The following KLHL1 variants were observed in gnomAD, a reference collection of about 807,000 sequenced individuals.
KLHL1 encodes kelch like family member 1, also known as kelch-like protein 1.
KLHL1 carries 47 observed loss-of-function variants against 77.7 expected under a neutral mutation model. That is an observed-to-expected ratio of 0.60 (90% CI 0.48 to 0.77). The LOEUF (loss-of-function observed/expected upper bound fraction) is 0.77, where lower values mean the gene tolerates loss of function less well. Ranked by LOEUF, KLHL1 falls within the 30% of genes least tolerant of loss-of-function variation. The pLI is 0.00. For synonymous variants in KLHL1, 360 were observed against 325.2 expected, an observed-to-expected ratio of 1.11 and a Z score of -1.15; for missense variants, 925 against 910.8, an observed-to-expected ratio of 1.02 and a Z score of -0.20.
chr13:70,097,318 A>G (rs930006694), intron 1 of KLHL1, among the ~76,000 whole-genome samples: 4 of 152,048 alleles, frequency 2.6e-5, no homozygotes. Flanking sequence ...TCCTCAAAGC[A>G]GAGGAAAACT....
chr13:70,107,660 T>G lies in KLHL1; in HGVS notation c.40A>C (p.Ile14Leu), dbSNP rs762708051. Residue 14 changes from isoleucine to leucine, a missense_variant, in exon 1 of 11, where the codon ATT becomes CTT. Ile to Leu is a conservative substitution (Grantham distance 5). Coordinates refer to ENST00000377844, the MANE Select transcript of KLHL1 (RefSeq NM_020866.3). ...SGRKDFDVKH[I>L]LRLRWKLFSH... ...AAGAGTTTCCAGCGGAGTCGCAGAA[T>G]GTGCTTCACATCGAAGTCTTTTCGC... is the stretch of plus-strand genomic sequence containing the variant. 12 of 1,541,748 alleles carry G rather than the reference T, an allele frequency of 7.8e-6. No homozygotes were observed. Among genetic ancestry groups the G allele is most frequent in the Middle Eastern group, 1.8e-4 (1 of 5,616 alleles).
chr13:70,020,852 T>C (rs1885772548), intron 1 of KLHL1, among the ~76,000 whole-genome samples: 1 of 152,104 alleles, frequency 6.6e-6, no homozygotes, highest in African/African-American at 2.4e-5. Context: ...TATTTTCTAT[T>C]TTTTACTTTA....
chr13:69,761,813 A>G (rs2137966298), intron 7 of KLHL1, among the ~76,000 whole-genome samples: 1 of 152,278 alleles, frequency 6.6e-6, no homozygotes, highest in South Asian at 2.1e-4. Flanking sequence ...TGAAGCTTCC[A>G]TTATTAAAAG....
intron 9 of KLHL1, among the ~76,000 whole-genome samples, chr13:69,709,894 T>C (rs1875800720): frequency 1.0e-5 from 1 of 99,030 alleles, no homozygotes; most frequent in African/African-American, 2.7e-5. Context: ...CAAATAACTT[T>C]AAAGTGAATA....
At chr13:70,029,670 C>T (rs1479304416) in intron 1 of KLHL1, among the ~76,000 whole-genome samples, 2 of 152,136 alleles carry the variant, frequency 1.3e-5, no homozygotes, top group African/African-American at 4.8e-5. Flanking sequence ...TAAAGACCAT[C>T]GATGCTAGGA....
intron 9 of KLHL1, among the ~76,000 whole-genome samples, chr13:69,719,105 A>T (rs1251811026): frequency 6.6e-6 from 1 of 152,048 alleles, no homozygotes; most frequent in Non-Finnish European, 1.5e-5. Flanking sequence ...CTTGTGAAAA[A>T]ACATTGTGGG....
intron 1 of KLHL1, among the ~76,000 whole-genome samples, chr13:70,089,528 A>G (rs1287708569): frequency 6.6e-6 from 1 of 152,086 alleles, no homozygotes; most frequent in East Asian, 1.9e-4. Context: ...CTTGCGTGAT[A>G]CAACACTGAG....
intron 4 of KLHL1, among the ~76,000 whole-genome samples, chr13:69,907,412 G>A (rs2138237231): frequency 6.6e-6 from 1 of 151,796 alleles, no homozygotes; most frequent in African/African-American, 2.4e-5. Flanking sequence ...TGATAGTTGT[G>A]TGCTTAGAGA....
At chr13:69,702,035 GAA>G (rs1875416869) in intron 10 of KLHL1, among the ~76,000 whole-genome samples, 1 of 151,638 alleles carries the variant, frequency 6.6e-6, no homozygotes, top group Admixed American at 6.6e-5. Context: ...ACCTGCTATA[GAA>G]AAGTTTCCAT....
chr13:69,993,213 G>A (rs1415811785), intron 1 of KLHL1, among the ~76,000 whole-genome samples: 1 of 152,028 alleles, frequency 6.6e-6, no homozygotes, highest in Non-Finnish European at 1.5e-5. Context: ...GTTTATCAAG[G>A]GGAACTTACA....
chr13:69,998,989 C>T (rs1196147584), intron 1 of KLHL1, among the ~76,000 whole-genome samples: 1 of 152,002 alleles, frequency 6.6e-6, no homozygotes, highest in Non-Finnish European at 1.5e-5. Context: ...TTCTAGAGGT[C>T]CTAGAGGTCA....
chr13:69,937,988 A>G (rs1883237652), intron 4 of KLHL1, among the ~76,000 whole-genome samples: 1 of 152,160 alleles, frequency 6.6e-6, no homozygotes, highest in Admixed American at 6.6e-5. Flanking sequence ...TCCCACGTGT[A>G]GTAGAAAAAA....
At chr13:70,101,214 C>T (rs1263543718) in intron 1 of KLHL1, among the ~76,000 whole-genome samples, 1 of 151,966 alleles carries the variant, frequency 6.6e-6, no homozygotes, top group Non-Finnish European at 1.5e-5. Context: ...AAAGGCTAAT[C>T]ATACAGTTTA....
intron 4 of KLHL1, among the ~76,000 whole-genome samples, chr13:69,888,098 GA>G (rs1881286022): frequency 6.6e-6 from 1 of 152,086 alleles, no homozygotes; most frequent in African/African-American, 2.4e-5. Flanking sequence ...GTTGTTTGGC[GA>G]GGGCTCCTTC....
intron 1 of KLHL1, among the ~76,000 whole-genome samples, chr13:70,074,052 C>T (rs972768243): frequency 6.6e-6 from 1 of 152,032 alleles, no homozygotes. Flanking sequence ...TTCTCAAACT[C>T]CCGACCTCAG....
At chr13:69,871,304 A>T (rs1325335798) in intron 5 of KLHL1, among the ~76,000 whole-genome samples, 3 of 152,116 alleles carry the variant, frequency 2.0e-5, no homozygotes, top group African/African-American at 7.2e-5. Context: ...CTGTCCCCCA[A>T]AACCATTCTG....
chr13:70,055,495 C>T (rs757628862), intron 1 of KLHL1, among the ~76,000 whole-genome samples: 1 of 151,986 alleles, frequency 6.6e-6, no homozygotes, highest in African/African-American at 2.4e-5. Context: ...TCAATGGTAA[C>T]AGTAAATACA....
chr13:69,857,960 G>A (rs1230801570), intron 5 of KLHL1, among the ~76,000 whole-genome samples: 1 of 151,936 alleles, frequency 6.6e-6, no homozygotes, highest in Non-Finnish European at 1.5e-5. Flanking sequence ...GAATTACAAG[G>A]AAAATAAAGG....
rs766081013 is a variant in KLHL1, at chr13:69,882,285, G to C, written c.1225C>G (p.Gln409Glu). 2 of 1,603,404 alleles carry C rather than the reference G, an allele frequency of 1.2e-6. No homozygotes were observed. The highest frequency in any genetic ancestry group is 3.3e-5 in the Admixed American group (2 of 60,010). Residue 409 changes from glutamine (Q) to glutamate (E), a missense_variant and splice_region_variant, in exon 5 of 11, where the codon CAG becomes GAG. Transcript: ENST00000377844. ...TAAACAGCGTCACACATCATTACCT[G>C]TGGTGGAAGCAGTGGCAGTCTTATA... ...AFIRLPLLPP[Q>E]ILADLENHAL...
Sources: gnomAD v4.1 joint callset for allele counts (sites outside exome capture counted in the v4.1 genomes callset) on GRCh38, gnomAD v4.1.1 for gene constraint, MANE v1.5 for transcripts, NCBI Gene and HGNC (gene_info 2026-07-23, HGNC 2026-07-21) for gene names.